Variants in DENND5B observed in about 807,000 individuals in gnomAD.
DENND5B encodes DENN domain-containing protein 5B.
DENND5B carries 34 observed loss-of-function variants against 140.6 expected under a neutral mutation model. The ratio of observed to expected loss-of-function variants is 0.24; its 90% CI spans 0.18 to 0.32. The LOEUF (loss-of-function observed/expected upper bound fraction) is 0.32. Ranked by LOEUF, DENND5B falls within the 10% of genes least tolerant of loss-of-function variation. The pLI is 1.00. For missense variants in DENND5B, 1,142 were observed against 1,560.2 expected, an observed-to-expected ratio of 0.73 and a Z score of 4.52; for synonymous variants, 551 against 562.1, an observed-to-expected ratio of 0.98 and a Z score of 0.28.
rs751537943 is a variant in DENND5B, at chr12:31,426,418, T to A, written c.2113A>T (p.Met705Leu). The A allele has an allele frequency of 6.2e-6, 10 of 1,609,762 alleles. No individual in the cohort carries two copies. In the Admixed American group the frequency reaches 1.5e-4, roughly 24 times the overall value. Residue 705 changes from methionine (M) to leucine (L), a missense_variant, in exon 9 of 21, where the codon ATG becomes TTG. Physicochemically the swap from Met to Leu is conservative, Grantham distance 15. Coordinates refer to ENST00000389082, the MANE Select transcript of DENND5B (RefSeq NM_144973.4). Reference sequence around the variant, plus strand: ...TTTCCTAAACTTCGTGCCTCTTGCATATATTTCTAAAAAATCAAGGAGTAT... The same window carrying A: ...TTTCCTAAACTTCGTGCCTCTTGCAAATATTTCTAAAAAATCAAGGAGTAT... ...GLDNDLREKY[M>L]QEARSLGKNL...
intron 1 of DENND5B, among the ~76,000 whole-genome samples, chr12:31,572,798 C>G (rs1592075356): frequency 6.6e-6 from 1 of 152,290 alleles, no homozygotes; most frequent in East Asian, 1.9e-4. Context: ...AGGGAATAAA[C>G]AGTTGAATCT....
At chr12:31,557,333 T>A (rs755576026) in intron 1 of DENND5B, among the ~76,000 whole-genome samples, 3 of 152,242 alleles carry the variant, frequency 2.0e-5, no homozygotes, top group African/African-American at 7.2e-5. Context: ...AAATTTTCTA[T>A]AAAATGCATA....
intron 1 of DENND5B, among the ~76,000 whole-genome samples, chr12:31,582,892 T>C (rs1051721617): frequency 2.6e-5 from 4 of 152,366 alleles, no homozygotes; most frequent in Admixed American, 1.3e-4. Flanking sequence ...ATGGATGTTA[T>C]GGGTATGGAT....
At chr12:31,528,594 G>C (rs748132628) in intron 1 of DENND5B, among the ~76,000 whole-genome samples, 9 of 152,138 alleles carry the variant, frequency 5.9e-5, no homozygotes, top group Non-Finnish European at 1.0e-4. Flanking sequence ...GCAATAATAC[G>C]AACAGACCAA....
intron 2 of DENND5B, among the ~76,000 whole-genome samples, chr12:31,482,524 A>G (rs919550069): frequency 6.6e-6 from 1 of 152,014 alleles, no homozygotes; most frequent in African/African-American, 2.4e-5. Flanking sequence ...CCATCAGCAA[A>G]TATTATCAAT....
chr12:31,442,578 C>CT (rs879136415), intron 7 of DENND5B, among the ~76,000 whole-genome samples, 197 bp downstream of exon 7: 52 of 143,364 alleles, frequency 3.6e-4, no homozygotes, highest in East Asian at 1.0e-3. Context: ...TTGTTTTTTT[C>CT]TTTTTTTTTT....
chr12:31,388,201 GACTAC>G (rs1241244319), intron 20 of DENND5B, among the ~76,000 whole-genome samples: 2 of 137,242 alleles, frequency 1.5e-5, no homozygotes, highest in Non-Finnish European at 3.1e-5. Flanking sequence ...TTGGAAGAAA[GACTAC>G]ACTAAACTGT....
At chr12:31,502,506 G>A (rs1334669866) in intron 1 of DENND5B, among the ~76,000 whole-genome samples, 1 of 152,086 alleles carries the variant, frequency 6.6e-6, no homozygotes, top group Non-Finnish European at 1.5e-5. Flanking sequence ...TAACGACACA[G>A]GCTATAACTT....
chr12:31,583,855 T>C (rs1407326119), intron 1 of DENND5B, among the ~76,000 whole-genome samples: 1 of 152,222 alleles, frequency 6.6e-6, no homozygotes, highest in Non-Finnish European at 1.5e-5. Flanking sequence ...ACTGTAAGCA[T>C]TTAACATTAA....
intron 5 of DENND5B, among the ~76,000 whole-genome samples, chr12:31,450,870 T>C (rs1944481511): frequency 6.6e-6 from 1 of 152,042 alleles, no homozygotes; most frequent in African/African-American, 2.4e-5. Flanking sequence ...AGAGTTACTA[T>C]ACAACCCTAA....
intron 2 of DENND5B, among the ~76,000 whole-genome samples, chr12:31,486,619 C>A (rs1946320606): frequency 6.6e-6 from 1 of 152,152 alleles, no homozygotes. Context: ...CCCACAATAC[C>A]TCAACTACTT....
At position 31,386,777 on chromosome 12, in the gene DENND5B, C is replaced by G. The variant is rs1476196741; in HGVS notation, c.*826G>C. On this transcript the variant is annotated 3_prime_UTR_variant, in exon 21 of 21. Coordinates refer to ENST00000389082, the MANE Select transcript of DENND5B (RefSeq NM_144973.4). ...TCAAATTGCTGTTTGCAGTTCTTAT[C>G]ACTATGAATCTAACACTGAAATTCA... 1 of 152,208 alleles carries G rather than the reference C, an allele frequency of 6.6e-6. No individual in the cohort carries two copies. The highest frequency in any genetic ancestry group is 1.5e-5 in the Non-Finnish European group (1 of 68,038). 9.4% of individuals were successfully genotyped at this position (152,208 alleles called of 1,614,324 possible).
At chr12:31,589,153 A>G (rs1001891723) in intron 1 of DENND5B, among the ~76,000 whole-genome samples, 1 of 152,230 alleles carries the variant, frequency 6.6e-6, no homozygotes, top group African/African-American at 2.4e-5. Flanking sequence ...AAGGCCTCCA[A>G]GTGACCCTGG....
At chr12:31,429,208 T>C (rs1359567291) in intron 8 of DENND5B, among the ~76,000 whole-genome samples, 1 of 151,100 alleles carries the variant, frequency 6.6e-6, no homozygotes, top group Non-Finnish European at 1.5e-5. Context: ...AGGGTTTCAC[T>C]ATGTTGGTCA....
intron 15 of DENND5B, among the ~76,000 whole-genome samples, 193 bp downstream of exon 15, chr12:31,402,305 A>G (rs1941847286): frequency 6.6e-6 from 1 of 152,196 alleles, no homozygotes; most frequent in Non-Finnish European, 1.5e-5. Flanking sequence ...AGAGCTTAAC[A>G]ATGAAAATGC....
chr12:31,472,463 T>C (rs924456106), intron 3 of DENND5B, among the ~76,000 whole-genome samples: 27 of 152,154 alleles, frequency 1.8e-4, no homozygotes, highest in Non-Finnish European at 3.1e-4. Context: ...GCCTAATTTT[T>C]GTATTTTCAG....
chr12:31,573,247 G>A (rs1267654579), intron 1 of DENND5B, among the ~76,000 whole-genome samples: 1 of 152,090 alleles, frequency 6.6e-6, no homozygotes, highest in Non-Finnish European at 1.5e-5. Flanking sequence ...AGGCAAATTT[G>A]AATATTATGA....
At chr12:31,539,266 C>A (rs1948609208) in intron 1 of DENND5B, among the ~76,000 whole-genome samples, 1 of 152,102 alleles carries the variant, frequency 6.6e-6, no homozygotes. Context: ...AAAGAAAAGC[C>A]TGGGACCTGA....
At chr12:31,515,079 T>C (rs1242273171) in intron 1 of DENND5B, among the ~76,000 whole-genome samples, 1 of 152,128 alleles carries the variant, frequency 6.6e-6, no homozygotes, top group Admixed American at 6.5e-5. Flanking sequence ...GCTCTGATAG[T>C]GCCACTGTAC....
Sources: gnomAD v4.1 joint callset for allele counts (sites outside exome capture counted in the v4.1 genomes callset) on GRCh38, gnomAD v4.1.1 for gene constraint, MANE v1.5 for transcripts, NCBI Gene and HGNC (gene_info 2026-07-23, HGNC 2026-07-21) for gene names.